PHACTR2: variants seen among roughly 807,000 people sequenced by gnomAD.
PHACTR2 encodes phosphatase and actin regulator 2.
A neutral mutation model predicts 76.0 loss-of-function variants in PHACTR2; 30 were observed. The observed-to-expected ratio is 0.39, with a 90% CI of 0.30 to 0.54. The LOEUF (loss-of-function observed/expected upper bound fraction) is 0.54, where lower values mean the gene tolerates loss of function less well. Ranked by LOEUF, PHACTR2 falls within the 20% of genes least tolerant of loss-of-function variation. PHACTR2 has a pLI of 0.61. For synonymous variants in PHACTR2, 292 were observed against 292.5 expected (o/e 1.00, Z 0.02); for missense variants, 696 against 781.1 (o/e 0.89, Z 1.30).
At chr6:143,628,860 A>C (rs1776304931) in intron 1 of PHACTR2, among the ~76,000 whole-genome samples, 1 of 147,354 alleles carries the variant, frequency 6.8e-6, no homozygotes, top group Non-Finnish European at 1.5e-5. Context: ...CACTAGGCTA[A>C]TATTTTCATT....
intron 1 of PHACTR2, among the ~76,000 whole-genome samples, chr6:143,579,479 T>G (rs895280594): frequency 6.6e-6 from 1 of 151,924 alleles, no homozygotes; most frequent in South Asian, 2.1e-4. Flanking sequence ...TTTAGCAAAT[T>G]GCCCTATTAT....
chr6:143,782,694 T>C lies in PHACTR2; in HGVS notation c.1646-525T>C, dbSNP rs1775458809. Among the ~76,000 whole-genome samples, 1 of 152,154 alleles carries C rather than the reference T, an allele frequency of 6.6e-6. No individual in the cohort carries two copies. The highest frequency in any genetic ancestry group is 2.4e-5 in the African/African-American group (1 of 41,420). On this transcript the variant is annotated intron_variant, in intron 9 of 12. Transcript: ENST00000440869. The surrounding 1 kb of genome is among the most constrained non-coding windows in gnomAD (Gnocchi z 4.6). ...TCCAAGGAAATGCTTACATTCTGCT[T>C]CTATGGAAACGAAGGAAGACAAATC...
At chr6:143,686,098 C>A (rs1056821420) in intron 1 of PHACTR2, among the ~76,000 whole-genome samples, 12 of 149,900 alleles carry the variant, frequency 8.0e-5, no homozygotes, top group Admixed American at 6.7e-4. Context: ...CACCATTGTA[C>A]TCCAGCCTGG....
rs1562256583 is a variant in PHACTR2, at chr6:143,641,508, T to C, written c.13+33186T>C. Among the ~76,000 whole-genome samples the C allele has an allele frequency of 6.6e-6, 1 of 152,156 alleles. No individual in the cohort carries two copies. ...TGATTTGTTTGTTTGTTTGTGTGTTTGTTGTTGTTGTTTTTGAGACAGAGT... is the reference window on the plus strand; with the variant it reads ...TGATTTGTTTGTTTGTTTGTGTGTTCGTTGTTGTTGTTTTTGAGACAGAGT... On this transcript the variant is annotated intron_variant, in intron 1 of 11. Coordinates refer to the PHACTR2 transcript ENST00000305766. This position sits in a 1 kb window ranked among gnomAD's most constrained non-coding sequence, Gnocchi z 5.8.
Position 143,619,465 on chromosome 6 carries a change from G to A in PHACTR2, c.13+11143G>A, listed in dbSNP as rs766797438. 6.6e-6 allele frequency among the ~76,000 whole-genome samples: 1 copy of A among 152,208 alleles called. No individual in the cohort carries two copies. The highest frequency in any genetic ancestry group is 2.4e-5 in the African/African-American group (1 of 41,456). ...TGTGAAAGCACATTATTATTAGAATGCTAAAGATCTTGTGCCTTGCACAAA... is the reference window on the plus strand; with the variant it reads ...TGTGAAAGCACATTATTATTAGAATACTAAAGATCTTGTGCCTTGCACAAA... On this transcript the variant is annotated intron_variant, in intron 1 of 11. Transcript: ENST00000305766. This position sits in a 1 kb window ranked among gnomAD's most constrained non-coding sequence, Gnocchi z 4.5.
Position 143,627,777 on chromosome 6 carries a change from A to G in PHACTR2, c.13+19455A>G, listed in dbSNP as rs1181888958. ...CCGCCACGCCCAGCTAATTTTTTGT[A>G]TTTTTAGTAGAGATGGAGTTTCACT... is the stretch of plus-strand genomic sequence containing the variant. On this transcript the variant is annotated intron_variant, in intron 1 of 11. Coordinates refer to the PHACTR2 transcript ENST00000305766. This position sits in a 1 kb window ranked among gnomAD's most constrained non-coding sequence, Gnocchi z 4.3. Among the ~76,000 whole-genome samples the G allele has an allele frequency of 1.3e-5, 2 of 151,688 alleles. No individual in the cohort carries two copies. Among genetic ancestry groups the G allele is most frequent in the Admixed American group, 1.3e-4 (2 of 15,238 alleles).
At chr6:143,747,761 A>G (rs960431113) in intron 2 of PHACTR2, among the ~76,000 whole-genome samples, 5 of 152,164 alleles carry the variant, frequency 3.3e-5, no homozygotes, top group African/African-American at 1.2e-4. Context: ...GGTCTGGAGG[A>G]AATAGAGTTC....
rs376112425 is a variant in PHACTR2, at chr6:143,670,801, C to T, written c.14-41215C>T. ...ATTGGGTTAGAACATGCTCCTTTAGCTCAGAGGAGTTTATTACCCACCTTT... is the reference window on the plus strand; with the variant it reads ...ATTGGGTTAGAACATGCTCCTTTAGTTCAGAGGAGTTTATTACCCACCTTT... On this transcript the variant is annotated intron_variant, in intron 1 of 11. Transcript: ENST00000305766. Among the ~76,000 whole-genome samples the T allele has an allele frequency of 9.9e-5, 15 of 152,276 alleles. No individual in the cohort carries two copies. The East Asian group carries it at 2.7e-3, about 27-fold the overall frequency.
Position 143,558,986 on chromosome 6 carries a change from G to A in PHACTR2, c.217+21779G>A, listed in dbSNP as rs1425543879. 6.6e-6 allele frequency among the ~76,000 whole-genome samples: 1 copy of A among 152,212 alleles called. No individual in the cohort carries two copies. The highest frequency in any genetic ancestry group is 1.5e-5 in the Non-Finnish European group (1 of 68,044). On this transcript the variant is annotated intron_variant, in intron 1 of 11. Coordinates refer to the PHACTR2 transcript ENST00000367584. The surrounding 1 kb of genome is among the most constrained non-coding windows in gnomAD (Gnocchi z 4.7). Reference sequence around the variant, plus strand: ...CAAGTGCACTGAAAGGGTCTCTCCAGACACTTGACAATCAGAAGCAGATAT... The same window carrying A: ...CAAGTGCACTGAAAGGGTCTCTCCAAACACTTGACAATCAGAAGCAGATAT...
At chr6:143,552,991 C>T (rs1435424085) in intron 1 of PHACTR2, among the ~76,000 whole-genome samples, 1 of 151,828 alleles carries the variant, frequency 6.6e-6, no homozygotes, top group Non-Finnish European at 1.5e-5. Flanking sequence ...CTCTGATGTC[C>T]AGCTGCCTGT....
chr6:143,546,975 T>G lies in PHACTR2; in HGVS notation c.217+9768T>G, dbSNP rs963710303. On this transcript the variant is annotated intron_variant, in intron 1 of 11. Coordinates refer to the PHACTR2 transcript ENST00000367584. This position sits in a 1 kb window ranked among gnomAD's most constrained non-coding sequence, Gnocchi z 4.9. ...TTGCTTGAATCCAGCAGTTCGATGC[T>G]GCAGTGAGCTGTGATTGTGGCACTG... 3.3e-5 allele frequency among the ~76,000 whole-genome samples: 5 copies of G among 152,060 alleles called. No individual in the cohort carries two copies. Among genetic ancestry groups the G allele is most frequent in the African/African-American group, 9.7e-5 (4 of 41,396 alleles).
At chr6:143,686,519 G>A (rs112567177) in intron 1 of PHACTR2, among the ~76,000 whole-genome samples, 3,965 of 112,736 alleles carry the variant, frequency 0.035, 191 homozygotes, top group African/African-American at 0.13. Flanking sequence ...ACAGAGTCTC[G>A]CTCTTTTACC....
intron 1 of PHACTR2, among the ~76,000 whole-genome samples, chr6:143,649,838 G>A (rs569797222): frequency 4.6e-5 from 7 of 152,288 alleles, no homozygotes; most frequent in African/African-American, 1.7e-4. Context: ...GGAAGTTCTG[G>A]TCAGGGCAAT....
rs1403359079 is a variant in PHACTR2, at chr6:143,753,747, A to AT, written c.296-3dup. ...TTAGACATCTAGGTGTTTCTTTCCCATTTTAGATGGAGATGTAACAGTTAA... is the reference window on the plus strand; with the variant it reads ...TTAGACATCTAGGTGTTTCTTTCCCATTTTTAGATGGAGATGTAACAGTTAA... On this transcript the variant is annotated splice_region_variant and splice_polypyrimidine_tract_variant and intron_variant, in intron 3 of 12. Coordinates refer to ENST00000440869, the MANE Select transcript of PHACTR2 (RefSeq NM_001100164.2). This position sits in a 1 kb window ranked among gnomAD's most constrained non-coding sequence, Gnocchi z 4.6. 2 of 1,579,422 alleles carry AT rather than the reference A, an allele frequency of 1.3e-6. No homozygotes were observed. Among genetic ancestry groups the AT allele is most frequent in the East Asian group, 2.2e-5 (1 of 44,494 alleles).
At chr6:143,729,808 C>T (rs1474516421) in intron 2 of PHACTR2, among the ~76,000 whole-genome samples, 2 of 152,080 alleles carry the variant, frequency 1.3e-5, no homozygotes, top group African/African-American at 4.8e-5. Flanking sequence ...AGTAGCTTGT[C>T]TTTCCATTCT....
chr6:143,813,518 T>C (rs1776226678), intron 12 of PHACTR2, among the ~76,000 whole-genome samples: 1 of 146,948 alleles, frequency 6.8e-6, no homozygotes. Flanking sequence ...CTCCAGAGGC[T>C]GAGGCGGGAG....
chr6:143,687,673 T>C (rs962005605), intron 1 of PHACTR2, among the ~76,000 whole-genome samples: 2 of 152,204 alleles, frequency 1.3e-5, no homozygotes, highest in African/African-American at 4.8e-5. Context: ...TTATTTTCAT[T>C]TCAAGGGGCT....
In PHACTR2 at chr6:143,689,849, C is replaced by T. The variant is rs376856242; in HGVS notation, c.46+11640C>T. 3.4e-4 allele frequency among the ~76,000 whole-genome samples: 51 copies of T among 152,090 alleles called. No homozygotes were observed. The highest frequency in any genetic ancestry group is 7.0e-4 in the African/African-American group (29 of 41,508). On this transcript the variant is annotated intron_variant, in intron 1 of 12. Coordinates refer to ENST00000440869, the MANE Select transcript of PHACTR2 (RefSeq NM_001100164.2). The surrounding 1 kb of genome is among the most constrained non-coding windows in gnomAD (Gnocchi z 4.4). ...CTGGGATTACAGGCACCTGCCACCA[C>T]GCCCGGCTAATTTTTGTATTTTTAG...
At chr6:143,703,385 T>G (rs879930449) in intron 1 of PHACTR2, among the ~76,000 whole-genome samples, 1 of 152,070 alleles carries the variant, frequency 6.6e-6, no homozygotes, top group Non-Finnish European at 1.5e-5. Context: ...TTGGAAAATC[T>G]CCATAGTATT....
Sources: allele counts gnomAD v4.1 joint callset (sites outside exome capture counted in the v4.1 genomes callset), GRCh38; gene constraint gnomAD v4.1.1; non-coding constraint Gnocchi (gnomAD v3.1); transcripts MANE v1.5; gene names NCBI Gene and HGNC (gene_info 2026-07-23, HGNC 2026-07-21).